GPSM2: variants seen among roughly 807,000 people sequenced by gnomAD.
GPSM2 encodes the protein G protein signaling modulator 2.
In GPSM2, 58 loss-of-function variants were observed where a neutral mutation model predicts 78.4. The observed-to-expected ratio is 0.74, with a 90% CI of 0.60 to 0.92. GPSM2 has a LOEUF of 0.92. Among genes scored for constraint, GPSM2 ranks in the 40% least tolerant of loss-of-function variants. GPSM2 has a pLI of 0.00. For synonymous variants in GPSM2, 224 were observed against 280.2 expected (o/e 0.80, Z 2.00); for missense variants, 700 against 815.5 (o/e 0.86, Z 1.73).
At chr1:108,903,708 T>G (rs1218492913) in intron 9 of GPSM2, among the ~76,000 whole-genome samples, 2 of 152,204 alleles carry the variant, frequency 1.3e-5, no homozygotes, top group South Asian at 4.1e-4. Context: ...ATATTAAAAG[T>G]GCCTAGCAAA....
intron 2 of GPSM2, among the ~76,000 whole-genome samples, chr1:108,886,481 T>C (rs1433525546): frequency 1.3e-5 from 2 of 148,268 alleles, no homozygotes; most frequent in African/African-American, 4.9e-5. Flanking sequence ...CTCACAAGCT[T>C]CACGGTCCCT....
At chr1:108,888,277 C>T (rs1235670419) in intron 2 of GPSM2, among the ~76,000 whole-genome samples, 1 of 152,182 alleles carries the variant, frequency 6.6e-6, no homozygotes, top group Non-Finnish European at 1.5e-5. Context: ...GTCTCGAACT[C>T]CTGACCTCGG....
intron 12 of GPSM2, among the ~76,000 whole-genome samples, chr1:108,920,912 A>G (rs917030667): frequency 2.6e-5 from 4 of 152,180 alleles, no homozygotes; most frequent in African/African-American, 9.7e-5. Flanking sequence ...CCTAGGAAAA[A>G]GTCTTTTGTT....
intron 11 of GPSM2, among the ~76,000 whole-genome samples, chr1:108,915,805 C>CT (rs1037595402): frequency 6.6e-6 from 1 of 152,126 alleles, no homozygotes; most frequent in Non-Finnish European, 1.5e-5. Context: ...ATTACAGCAA[C>CT]TTTAGAAAAT....
At chr1:108,915,159 T>TTGAACCC (rs1650084793) in intron 11 of GPSM2, among the ~76,000 whole-genome samples, 3 of 151,714 alleles carry the variant, frequency 2.0e-5, no homozygotes, top group Admixed American at 6.6e-5. Context: ...GATCACGAGG[T>TTGAACCC]CAGGAGATCG....
intron 8 of GPSM2, 107 bp from the exon 9 acceptor site, chr1:108,903,019 T>G (rs1648932987): frequency 1.4e-6 from 1 of 714,512 alleles, no homozygotes; most frequent in African/African-American, 1.8e-5. Flanking sequence ...AAAGACCAAA[T>G]CAATCCAAAG....
chr1:108,912,243 A>G (rs1053940091), intron 10 of GPSM2, among the ~76,000 whole-genome samples: 4 of 152,232 alleles, frequency 2.6e-5, no homozygotes, highest in Non-Finnish European at 4.4e-5. Context: ...GTTCTGAGAA[A>G]TACCAAAACA....
intron 14 of GPSM2, among the ~76,000 whole-genome samples, chr1:108,927,211 G>A (rs1042253969): frequency 1.1e-4 from 17 of 152,198 alleles, no homozygotes; most frequent in Admixed American, 2.0e-4. Context: ...TTAACATTTC[G>A]ATACTATCCA....
intron 1 of GPSM2, among the ~76,000 whole-genome samples, chr1:108,878,908 G>A (rs1254701372): frequency 6.6e-6 from 1 of 152,172 alleles, no homozygotes; most frequent in Non-Finnish European, 1.5e-5. Flanking sequence ...TCACTGTGCC[G>A]AGATTCAAAT....
intron 12 of GPSM2, among the ~76,000 whole-genome samples, chr1:108,919,841 T>G (rs1011181673): frequency 2.6e-5 from 4 of 152,170 alleles, no homozygotes; most frequent in Non-Finnish European, 4.4e-5. Context: ...AGGATCAAAG[T>G]ACATTACAAA....
chr1:108,909,959 C>G (rs895731299), intron 10 of GPSM2: 4 of 141,532 alleles, frequency 2.8e-5, no homozygotes, highest in Non-Finnish European at 6.2e-5. Context: ...TACCATCTAG[C>G]TTAAAAAGTA....
chr1:108,930,432 G>GT lies in GPSM2; in HGVS notation c.*499dup, dbSNP rs544338501. 79 of 153,700 alleles carry GT rather than the reference G, an allele frequency of 5.1e-4. No homozygotes were observed. Among genetic ancestry groups the GT allele is most frequent in the Non-Finnish European group, 7.5e-4 (52 of 69,218 alleles). 9.5% of individuals were successfully genotyped at this position (153,700 alleles called of 1,614,324 possible). The stretch of plus-strand genomic sequence containing the variant: ...GTTTTTTTTTCCTCCATGAAAATCT[G>GT]TTTTTTTAGGCCAAAGTCAGTATAA... On this transcript the variant is annotated 3_prime_UTR_variant, in exon 15 of 15. Transcript: ENST00000264126.
chr1:108,915,575 C>T (rs1439111814), intron 11 of GPSM2, among the ~76,000 whole-genome samples: 2 of 150,990 alleles, frequency 1.3e-5, no homozygotes, highest in African/African-American at 4.9e-5. Flanking sequence ...TGCAGGCGGG[C>T]ACCACCACAC....
intron 11 of GPSM2, 127 bp from the exon 12 acceptor site, chr1:108,918,486 C>A (rs1650448250): frequency 1.4e-6 from 1 of 702,782 alleles, no homozygotes; most frequent in Non-Finnish European, 2.5e-6. Flanking sequence ...TTAAAGAGAT[C>A]TAAAATTCTT....
Position 108,934,423 on chromosome 1 carries a change from A to G in GPSM2, c.*4483A>G. The G allele has an allele frequency of 4.1e-6, 2 of 482,174 alleles. No homozygotes were observed. Among genetic ancestry groups the G allele is most frequent in the Non-Finnish European group, 7.2e-6 (2 of 276,018 alleles). 29.9% of individuals were successfully genotyped at this position (482,174 alleles called of 1,614,324 possible). On this transcript the variant is annotated 3_prime_UTR_variant, in exon 15 of 15. Transcript: ENST00000264126. Reference sequence around the variant, plus strand: ...GATGCCTGTCATCTGTTCATCTTAAAATAAACACTTCTTACTTTATGGGAT... The same window carrying G: ...GATGCCTGTCATCTGTTCATCTTAAGATAAACACTTCTTACTTTATGGGAT...
intron 11 of GPSM2, among the ~76,000 whole-genome samples, chr1:108,917,611 C>CACACACATTATAT (rs1312607573): frequency 4.4e-5 from 1 of 22,738 alleles, no homozygotes; most frequent in Non-Finnish European, 7.8e-5. Context: ...CACACACACA[C>CACACACATTATAT]ATATATATAT....
rs780101621 is a variant in GPSM2, at chr1:108,922,554, T to C, written c.1578T>C (p.Thr526=). 1.2e-6 allele frequency: 2 copies of C among 1,609,608 alleles called. No homozygotes were observed. The highest frequency in any genetic ancestry group is 1.7e-6 in the Non-Finnish European group (2 of 1,176,422). The change falls in exon 13 of 15, where the codon ACT becomes ACC. Residue 526 remains threonine (T), a synonymous_variant. Coordinates refer to ENST00000264126, the MANE Select transcript of GPSM2 (RefSeq NM_013296.5). ...CAGCTTCAACAACAACTTCTTCCAC[T>C]CCCCCTAAAATGATGCTAAAAAGTA... The part of the protein sequence containing the change: ...CHTASTTTSS[T]PPKMMLKTSS...
At chr1:108,888,363 G>A (rs184973824) in intron 2 of GPSM2, among the ~76,000 whole-genome samples, 7 of 151,344 alleles carry the variant, frequency 4.6e-5, no homozygotes, top group African/African-American at 9.7e-5. Context: ...TTTTTTCCCC[G>A]TTGAGACAGA....
chr1:108,905,460 A>G (rs1280463938), intron 10 of GPSM2, among the ~76,000 whole-genome samples: 1 of 152,124 alleles, frequency 6.6e-6, no homozygotes, highest in African/African-American at 2.4e-5. Context: ...CAGTTTTCAC[A>G]TGTCAGCTTA....
Sources: gnomAD v4.1 joint callset for allele counts (sites outside exome capture counted in the v4.1 genomes callset) on GRCh38, gnomAD v4.1.1 for gene constraint, MANE v1.5 for transcripts, NCBI Gene and HGNC (gene_info 2026-07-23, HGNC 2026-07-21) for gene names.